The following EBF1 variants were observed in gnomAD, a reference collection of about 807,000 sequenced individuals.
The protein encoded by EBF1 is EBF transcription factor 1, also known as transcription factor COE1.
Under a neutral mutation model 68.4 loss-of-function variants are expected in EBF1, and 10 were observed. That is an observed-to-expected ratio of 0.15 (90% CI 0.09 to 0.25). The LOEUF is 0.25. EBF1 is among the 10% of genes least tolerant of loss of function. The pLI is 1.00. For missense variants in EBF1, 509 were observed against 794.4 expected (o/e 0.64, Z 4.32); for synonymous variants, 298 against 299.8 (o/e 0.99, Z 0.06).
At chr5:158,853,846 C>G (rs560588098) in intron 6 of EBF1, among the ~76,000 whole-genome samples, 1 of 152,220 alleles carries the variant, frequency 6.6e-6, no homozygotes, top group African/African-American at 2.4e-5. Flanking sequence ...ATGATAGAAG[C>G]TTTTAAATTC....
intron 8 of EBF1, among the ~76,000 whole-genome samples, chr5:158,822,628 G>C (rs954607663): frequency 6.6e-6 from 1 of 152,150 alleles, no homozygotes. Flanking sequence ...GCACAGGAGG[G>C]ACATTTGGTC....
intron 6 of EBF1, among the ~76,000 whole-genome samples, chr5:158,926,270 C>T (rs532985487): frequency 5.9e-5 from 9 of 152,170 alleles, no homozygotes; most frequent in East Asian, 5.8e-4. Flanking sequence ...CAAATGATAG[C>T]GCATTTGTTA....
chr5:158,758,285 C>T (rs908877335), intron 10 of EBF1, among the ~76,000 whole-genome samples: 5 of 152,066 alleles, frequency 3.3e-5, no homozygotes, highest in East Asian at 3.9e-4. Flanking sequence ...GACTTATACA[C>T]GTAAGAAAAT....
rs1015609144 is a variant in EBF1, at chr5:158,698,045, G to T, written c.*1066C>A. 4 of 216,032 alleles carry T rather than the reference G, an allele frequency of 1.9e-5. No homozygotes were observed. Among genetic ancestry groups the T allele is most frequent in the African/African-American group, 9.0e-5 (4 of 44,342 alleles). The allele number at this position is 216,032 out of a possible 1,614,324, so 13.4% of individuals were successfully genotyped here. ...ATGTTACAAATGGTAAGGGTCGACTGATAGAGGCAGTATCTGGAATGGGAA... is the reference window on the plus strand; with the variant it reads ...ATGTTACAAATGGTAAGGGTCGACTTATAGAGGCAGTATCTGGAATGGGAA... On this transcript the variant is annotated 3_prime_UTR_variant, in exon 16 of 16. Transcript: ENST00000313708.
intron 6 of EBF1, among the ~76,000 whole-genome samples, chr5:158,842,904 A>T (rs566343206): frequency 6.6e-6 from 1 of 152,346 alleles, no homozygotes; most frequent in South Asian, 2.1e-4. Flanking sequence ...CAGACAGTGT[A>T]GCTCCAGAGA....
chr5:159,095,800 C>T lies in EBF1; in HGVS notation c.356-125G>A, dbSNP rs550412839. The stretch of plus-strand genomic sequence containing the variant: ...CACACACATATCACGAAAGGGGCTC[C>T]AAGGCTGATTGGAACTCCCACTGTC... On this transcript the variant is annotated intron_variant, in intron 3 of 15. Coordinates refer to ENST00000313708, the MANE Select transcript of EBF1 (RefSeq NM_024007.5). 6 of 967,534 alleles carry T rather than the reference C, an allele frequency of 6.2e-6. No homozygotes were observed. The Admixed American group carries it at 7.1e-5, about 11-fold the overall frequency. The allele number at this position is 967,534 out of a possible 1,614,324, so 59.9% of individuals were successfully genotyped here. A position where few individuals can be genotyped will look rare whatever the true frequency, so the allele number is the denominator to read the frequency against.
At chr5:158,840,797 A>G (rs1266871580) in intron 6 of EBF1, among the ~76,000 whole-genome samples, 11 of 146,946 alleles carry the variant, frequency 7.5e-5, no homozygotes, top group African/African-American at 2.5e-4. Flanking sequence ...TCAGCCTCCC[A>G]AGTAGCTGGG....
intron 6 of EBF1, among the ~76,000 whole-genome samples, chr5:159,072,417 T>C (rs925509398): frequency 1.3e-5 from 2 of 150,680 alleles, no homozygotes; most frequent in Admixed American, 6.6e-5. Context: ...GAAAGATGGG[T>C]TTTTTTTTCT....
intron 6 of EBF1, among the ~76,000 whole-genome samples, chr5:158,955,369 A>G (rs1180474225): frequency 6.6e-6 from 1 of 152,128 alleles, no homozygotes; most frequent in Middle Eastern, 3.2e-3. Flanking sequence ...GTAGATGTAT[A>G]TTAGAGGCCT....
chr5:158,882,624 C>G (rs540068389), intron 6 of EBF1, among the ~76,000 whole-genome samples: 3 of 152,156 alleles, frequency 2.0e-5, no homozygotes, highest in African/African-American at 7.2e-5. Flanking sequence ...CTGTGTCCAA[C>G]CTTATCACAA....
chr5:158,804,243 T>C (rs1413851398), intron 8 of EBF1, among the ~76,000 whole-genome samples: 1 of 151,952 alleles, frequency 6.6e-6, no homozygotes, highest in African/African-American at 2.4e-5. Context: ...AAGGCAGTGT[T>C]AGCTTAGTGG....
intron 8 of EBF1, among the ~76,000 whole-genome samples, chr5:158,811,875 C>A (rs916643623): frequency 2.6e-5 from 4 of 152,154 alleles, no homozygotes; most frequent in African/African-American, 9.7e-5. Context: ...TTTATCCCCA[C>A]GTGGAATTTT....
At chr5:158,808,930 G>A (rs747174678) in intron 8 of EBF1, among the ~76,000 whole-genome samples, 3 of 152,086 alleles carry the variant, frequency 2.0e-5, no homozygotes, top group Non-Finnish European at 4.4e-5. Flanking sequence ...GCATGAAGGT[G>A]TCTCTTTCTA....
At chr5:158,904,383 G>A (rs1027963013) in intron 6 of EBF1, among the ~76,000 whole-genome samples, 1 of 152,156 alleles carries the variant, frequency 6.6e-6, no homozygotes, top group Non-Finnish European at 1.5e-5. Context: ...ATTCATTACA[G>A]CCTACTTGTT....
chr5:158,970,517 A>G (rs1258276605), intron 6 of EBF1, among the ~76,000 whole-genome samples: 1 of 152,198 alleles, frequency 6.6e-6, no homozygotes, highest in East Asian at 1.9e-4. Context: ...CTCCTTATTA[A>G]TTATTCTCAT....
chr5:158,793,652 T>C (rs1332263764), intron 9 of EBF1, among the ~76,000 whole-genome samples: 2 of 152,182 alleles, frequency 1.3e-5, no homozygotes, highest in African/African-American at 4.8e-5. Context: ...TTTTAACCTC[T>C]CTGAAACTCA....
At chr5:158,774,199 G>T (rs1215284665) in intron 10 of EBF1, among the ~76,000 whole-genome samples, 1 of 152,038 alleles carries the variant, frequency 6.6e-6, no homozygotes, top group African/African-American at 2.4e-5. Context: ...TGCGTCTCTG[G>T]TCTGAAGAAC....
At chr5:159,027,392 A>G (rs1767913393) in intron 6 of EBF1, among the ~76,000 whole-genome samples, 1 of 152,102 alleles carries the variant, frequency 6.6e-6, no homozygotes. Flanking sequence ...TTCTCAGACC[A>G]CTGTTCATCC....
At chr5:158,809,490 C>G (rs971051587) in intron 8 of EBF1, among the ~76,000 whole-genome samples, 6 of 152,032 alleles carry the variant, frequency 3.9e-5, no homozygotes, top group African/African-American at 1.4e-4. Flanking sequence ...ATTTCTTATC[C>G]CCAAGATAGA....
Sources: allele counts gnomAD v4.1 joint callset (sites outside exome capture counted in the v4.1 genomes callset), GRCh38; gene constraint gnomAD v4.1.1; transcripts MANE v1.5; gene names NCBI Gene and HGNC (gene_info 2026-07-23, HGNC 2026-07-21).